EVA1C: variants seen among roughly 807,000 people sequenced by gnomAD.
EVA1C encodes eva-1 homolog C.
In EVA1C, 25 loss-of-function variants were observed where a neutral mutation model predicts 45.4. The observed-to-expected ratio is 0.55, with a 90% confidence interval of 0.40 to 0.77. The LOEUF is 0.77. Among genes scored for constraint, EVA1C ranks in the 30% least tolerant of loss-of-function variants. The pLI is 0.00. For synonymous variants in EVA1C, 190 were observed against 221.2 expected, an observed-to-expected ratio of 0.86 and a Z score of 1.25; for missense variants, 479 against 554.8, an observed-to-expected ratio of 0.86 and a Z score of 1.37.
chr21:32,449,981 G>T (rs1031319492), intron 1 of EVA1C, among the ~76,000 whole-genome samples: 1 of 152,182 alleles, frequency 6.6e-6, no homozygotes, highest in African/African-American at 2.4e-5. Flanking sequence ...TACTGCTGAC[G>T]TGTCTTCTTT....
At chr21:32,501,383 C>T (rs771851447) in intron 5 of EVA1C, 32 bp from the exon 6 acceptor site, 42 of 1,567,428 alleles carry the variant, frequency 2.7e-5, no homozygotes, top group African/African-American at 1.6e-4. Flanking sequence ...AAATATACCA[C>T]GAATTTAAAA....
intron 7 of EVA1C, among the ~76,000 whole-genome samples, chr21:32,513,428 C>T (rs1011162894): frequency 4.0e-5 from 6 of 148,938 alleles, no homozygotes; most frequent in Non-Finnish European, 8.9e-5. Context: ...TATCTCCTGC[C>T]TCGGCCTCCC....
chr21:32,468,506 A>G (rs1015871553), intron 4 of EVA1C, among the ~76,000 whole-genome samples: 5 of 149,696 alleles, frequency 3.3e-5, no homozygotes, highest in African/African-American at 1.2e-4. Flanking sequence ...TTATATATAT[A>G]CATAAAGGGG....
chr21:32,425,334 CAAAAAAAAA>C (rs60224656), intron 1 of EVA1C, among the ~76,000 whole-genome samples: 136 of 57,772 alleles, frequency 2.4e-3, no homozygotes, highest in Middle Eastern at 0.011. Flanking sequence ...GACTCCATCT[CAAAAAAAAA>C]AAAAAAAAAA....
chr21:32,493,944 C>T (rs1461776287), intron 4 of EVA1C, among the ~76,000 whole-genome samples: 1 of 152,106 alleles, frequency 6.6e-6, no homozygotes, highest in Non-Finnish European at 1.5e-5. Context: ...GGACTACAGG[C>T]ACATGCCACC....
intron 5 of EVA1C, among the ~76,000 whole-genome samples, chr21:32,496,101 T>TC (rs1318685780): frequency 6.6e-6 from 1 of 152,144 alleles, no homozygotes; most frequent in Admixed American, 6.6e-5. Context: ...AACATTCGCA[T>TC]CCCCCCAAAA....
intron 1 of EVA1C, chr21:32,428,618 G>A (rs1170975409): frequency 6.6e-6 from 1 of 152,154 alleles, no homozygotes; most frequent in Non-Finnish European, 1.5e-5. Context: ...CTGCCAGAGG[G>A]TCTTTGATGA....
chr21:32,462,221 T>TAAAAAAAAAAA (rs769281297), intron 3 of EVA1C, among the ~76,000 whole-genome samples: 1 of 106,342 alleles, frequency 9.4e-6, no homozygotes, highest in African/African-American at 3.6e-5. Context: ...CCCCTATCTC[T>TAAAAAAAAAAA]AAAAAAAAAA....
intron 4 of EVA1C, among the ~76,000 whole-genome samples, chr21:32,482,898 C>T (rs1415945117): frequency 6.6e-6 from 1 of 151,868 alleles, no homozygotes; most frequent in Non-Finnish European, 1.5e-5. Flanking sequence ...TTGTTGTTGC[C>T]CAGGCTGGAG....
At chr21:32,413,044 C>A (rs763369494) in intron 1 of EVA1C, 31 bp downstream of exon 1, 8 of 1,345,140 alleles carry the variant, frequency 5.9e-6, no homozygotes, top group Non-Finnish European at 7.7e-6. Context: ...TGTGTGCCCC[C>A]GGCACCGCGG....
At chr21:32,429,819 C>T (rs748229917) in intron 1 of EVA1C, among the ~76,000 whole-genome samples, 4 of 152,126 alleles carry the variant, frequency 2.6e-5, no homozygotes, top group African/African-American at 4.8e-5. Flanking sequence ...AATGAATTCT[C>T]CTAGTAAATT....
At chr21:32,502,029 T>TTTCTTTCTTTC (rs1158815723) in intron 6 of EVA1C, among the ~76,000 whole-genome samples, 1 of 132,836 alleles carries the variant, frequency 7.5e-6, no homozygotes, top group Non-Finnish European at 1.6e-5. Context: ...TCTTTCTTTC[T>TTTCTTTCTTTC]TTCTTTCTTT....
chr21:32,497,628 C>T (rs991676972), intron 5 of EVA1C, among the ~76,000 whole-genome samples: 24 of 152,276 alleles, frequency 1.6e-4, no homozygotes, highest in African/African-American at 5.5e-4. Flanking sequence ...ACAGTTCCTA[C>T]AGCTGAGGCT....
At chr21:32,446,912 C>G (rs1396260940) in intron 1 of EVA1C, among the ~76,000 whole-genome samples, 1 of 152,176 alleles carries the variant, frequency 6.6e-6, no homozygotes, top group Non-Finnish European at 1.5e-5. Flanking sequence ...TCCTGCCTTT[C>G]CAGCCTGCTG....
At chr21:32,448,936 G>GAAAGAGAAAGAA (rs1256541458) in intron 1 of EVA1C, among the ~76,000 whole-genome samples, 8 of 103,032 alleles carry the variant, frequency 7.8e-5, no homozygotes, top group African/African-American at 2.3e-4. Flanking sequence ...AAGAAAGAGA[G>GAAAGAGAAAGAA]AGAAAGAGAG....
At chr21:32,446,027 T>C (rs2035352623) in intron 1 of EVA1C, among the ~76,000 whole-genome samples, 1 of 152,080 alleles carries the variant, frequency 6.6e-6, no homozygotes, top group Non-Finnish European at 1.5e-5. Flanking sequence ...GAGGATCACC[T>C]GAGGTCAGGA....
chr21:32,476,394 C>A (rs766679828), intron 4 of EVA1C, among the ~76,000 whole-genome samples: 3 of 152,106 alleles, frequency 2.0e-5, no homozygotes, highest in Non-Finnish European at 4.4e-5. Flanking sequence ...GGAATCCCAG[C>A]ACTTTGGGAG....
At chr21:32,420,552 AT>A (rs10717598) in intron 1 of EVA1C, among the ~76,000 whole-genome samples, 39,526 of 151,446 alleles carry the variant, frequency 0.26, 8,583 homozygotes, top group African/African-American at 0.58. Flanking sequence ...GGCCTAGCTA[AT>A]TTTTTTTGGC....
chr21:32,426,187 GTTTGGCCCT>G (rs1198980141), intron 1 of EVA1C, among the ~76,000 whole-genome samples: 1 of 152,108 alleles, frequency 6.6e-6, no homozygotes, highest in African/African-American at 2.4e-5. Flanking sequence ...TTGTCTATGT[GTTTGGCCCT>G]TTTGCCTTCA....
Sources: allele counts gnomAD v4.1 joint callset (sites outside exome capture counted in the v4.1 genomes callset), GRCh38; gene constraint gnomAD v4.1.1; transcripts MANE v1.5; gene names NCBI Gene and HGNC (gene_info 2026-07-23, HGNC 2026-07-21).